Variants in DYM observed in about 807,000 individuals in gnomAD.
DYM encodes the protein dymeclin.
DYM carries 78 observed loss-of-function variants against 93.1 expected under a neutral mutation model. The observed-to-expected ratio is 0.84, with a 90% CI of 0.70 to 1.01. DYM has a LOEUF of 1.01. DYM is among the 50% of genes least tolerant of loss of function. The pLI is 0.00. For synonymous variants in DYM, 321 were observed against 319.7 expected (o/e 1.00, Z -0.04); for missense variants, 789 against 845.0 (o/e 0.93, Z 0.82).
chr18:49,360,658 T>C (rs1263883914), intron 6 of DYM, among the ~76,000 whole-genome samples: 1 of 151,970 alleles, frequency 6.6e-6, no homozygotes, highest in East Asian at 1.9e-4. Context: ...TGGTGCTACT[T>C]TTAAAATTAC....
chr18:49,180,621 A>G (rs1305075858), intron 14 of DYM, among the ~76,000 whole-genome samples: 1 of 152,170 alleles, frequency 6.6e-6, no homozygotes. Flanking sequence ...TATAATATTT[A>G]TGGATACCAA....
rs866749040 is a variant in DYM at position 49,072,023 on chromosome 18, C to T, written c.2025+25379G>A. Among the ~76,000 whole-genome samples, 19 of 152,296 alleles carry T rather than the reference C, an allele frequency of 1.2e-4. No individual in the cohort carries two copies. The Middle Eastern group carries it at 0.01, about 82-fold the overall frequency. On this transcript the variant is annotated intron_variant, in intron 17 of 17. Transcript: ENST00000675505. ...TGCACACTGCACTCAACAGACTGGC[C>T]TACAACAGAATGCCCTGCTAGTCAG...
intron 2 of DYM, among the ~76,000 whole-genome samples, chr18:49,393,339 AG>A (rs1825345127): frequency 6.6e-6 from 1 of 152,318 alleles, no homozygotes; most frequent in African/African-American, 2.4e-5. Context: ...AGGGTCTTGA[AG>A]AGATAGTTGT....
intron 13 of DYM, among the ~76,000 whole-genome samples, chr18:49,241,205 A>G (rs1343729451): frequency 6.6e-6 from 1 of 152,246 alleles, no homozygotes; most frequent in Non-Finnish European, 1.5e-5. Flanking sequence ...TATATAGTGG[A>G]CATTCTACTC....
intron 17 of DYM, among the ~76,000 whole-genome samples, chr18:49,089,485 G>C (rs531330030): frequency 6.6e-6 from 1 of 152,336 alleles, no homozygotes; most frequent in South Asian, 2.1e-4. Flanking sequence ...TTGTAGGGAA[G>C]TTGGAGAAAA....
At chr18:49,339,718 G>A (rs1397513615) in intron 6 of DYM, among the ~76,000 whole-genome samples, 1 of 152,178 alleles carries the variant, frequency 6.6e-6, no homozygotes, top group Middle Eastern at 3.4e-3. Flanking sequence ...TTAAAGCTAC[G>A]GTATACTCAG....
chr18:49,060,625 G>T (rs2075870502), intron 17 of DYM, among the ~76,000 whole-genome samples: 1 of 134,588 alleles, frequency 7.4e-6, no homozygotes, highest in Non-Finnish European at 1.6e-5. Flanking sequence ...CTTAGAGAAG[G>T]GAGGGGGGAG....
At chr18:49,220,867 A>T (rs953112257) in intron 13 of DYM, among the ~76,000 whole-genome samples, 3 of 152,226 alleles carry the variant, frequency 2.0e-5, no homozygotes, top group Admixed American at 6.5e-5. Flanking sequence ...TGTCTAAAAC[A>T]CCAAAAGCAA....
At chr18:49,257,802 T>G (rs2094417909) in intron 12 of DYM, among the ~76,000 whole-genome samples, 1 of 151,876 alleles carries the variant, frequency 6.6e-6, no homozygotes, top group Non-Finnish European at 1.5e-5. Context: ...GAGCTATGAT[T>G]GTGCCACTGC....
At chr18:49,192,701 A>C (rs930333018) in intron 14 of DYM, among the ~76,000 whole-genome samples, 2 of 152,166 alleles carry the variant, frequency 1.3e-5, no homozygotes, top group South Asian at 2.1e-4. Context: ...TTTGAAATCT[A>C]GTAGTGTAAT....
chr18:49,297,893 C>A (rs759795336), intron 8 of DYM, among the ~76,000 whole-genome samples: 3 of 151,578 alleles, frequency 2.0e-5, no homozygotes, highest in Non-Finnish European at 4.4e-5. Flanking sequence ...TCTATTTAAT[C>A]AACATATATA....
intron 17 of DYM, among the ~76,000 whole-genome samples, chr18:49,058,829 T>C (rs561538988): frequency 7.8e-4 from 119 of 152,312 alleles, no homozygotes; most frequent in African/African-American, 2.7e-3. Context: ...TTTGGGGTTA[T>C]TTAGAGCAAG....
At chr18:49,255,582 A>T (rs890014025) in intron 13 of DYM, among the ~76,000 whole-genome samples, 4 of 151,514 alleles carry the variant, frequency 2.6e-5, no homozygotes, top group Non-Finnish European at 5.9e-5. Context: ...CTGAGGCAGG[A>T]GAATCACTTG....
chr18:49,280,221 C>T (rs2094936551), intron 10 of DYM, among the ~76,000 whole-genome samples: 1 of 152,176 alleles, frequency 6.6e-6, no homozygotes, highest in South Asian at 2.1e-4. Context: ...TTATTGCTTA[C>T]AGGAGTTTTT....
At chr18:49,430,883 CAAAAA>C (rs11288242) in intron 1 of DYM, among the ~76,000 whole-genome samples, 2 of 129,366 alleles carry the variant, frequency 1.5e-5, no homozygotes, top group Non-Finnish European at 3.3e-5. Context: ...GACTCCATCT[CAAAAA>C]AAAAAAAAAA....
chr18:49,076,433 A>T (rs1489680284), intron 17 of DYM, among the ~76,000 whole-genome samples: 1 of 152,212 alleles, frequency 6.6e-6, no homozygotes, highest in Non-Finnish European at 1.5e-5. Flanking sequence ...AATAACAAGC[A>T]CCATTTTGTT....
chr18:49,313,874 C>T (rs1391388332), intron 8 of DYM, among the ~76,000 whole-genome samples: 2 of 151,996 alleles, frequency 1.3e-5, no homozygotes, highest in Non-Finnish European at 2.9e-5. Context: ...GGTCTGGTAA[C>T]AAAGCCACTG....
At chr18:49,404,815 C>T (rs770665274) in intron 2 of DYM, among the ~76,000 whole-genome samples, 1 of 151,976 alleles carries the variant, frequency 6.6e-6, no homozygotes, top group Admixed American at 6.6e-5. Context: ...GTCAGGAGTT[C>T]GAGACCAGCC....
intron 16 of DYM, among the ~76,000 whole-genome samples, chr18:49,105,022 G>A (rs1427694239): frequency 6.6e-6 from 1 of 152,218 alleles, no homozygotes; most frequent in Non-Finnish European, 1.5e-5. Flanking sequence ...GAATTCAGCT[G>A]TGAATCCATC....
Sources: allele counts gnomAD v4.1 joint callset (sites outside exome capture counted in the v4.1 genomes callset), GRCh38; gene constraint gnomAD v4.1.1; transcripts MANE v1.5; gene names NCBI Gene and HGNC (gene_info 2026-07-23, HGNC 2026-07-21).